The following TBC1D2B variants were observed in gnomAD, a reference collection of about 807,000 sequenced individuals.
The protein encoded by TBC1D2B is TBC1 domain family, member 2B.
Under a neutral mutation model 100.8 loss-of-function variants are expected in TBC1D2B, and 64 were observed. The ratio of observed to expected loss-of-function variants is 0.64; its 90% CI spans 0.52 to 0.78. TBC1D2B has a LOEUF of 0.78. Ranked by LOEUF, TBC1D2B falls within the 30% of genes least tolerant of loss-of-function variation. The pLI, the probability that TBC1D2B is intolerant of heterozygous loss-of-function variation, is 0.00. For missense variants in TBC1D2B, 1,052 were observed against 1,218.4 expected, an observed-to-expected ratio of 0.86 and a Z score of 2.03; for synonymous variants, 480 against 479.7, an observed-to-expected ratio of 1.00 and a Z score of -0.01.
At chr15:78,031,027 C>T (rs1291136106) in intron 3 of TBC1D2B, among the ~76,000 whole-genome samples, 1 of 152,072 alleles carries the variant, frequency 6.6e-6, no homozygotes. Context: ...TCAGCCAAAG[C>T]TATACGTATC....
intron 1 of TBC1D2B, among the ~76,000 whole-genome samples, chr15:78,073,882 T>C (rs945517104): frequency 5.3e-5 from 8 of 150,276 alleles, no homozygotes; most frequent in Admixed American, 1.3e-4. Flanking sequence ...GGCAGGAGAA[T>C]TGCTTGAACC....
At chr15:78,007,485 A>ATGGC (rs1462059598) in intron 10 of TBC1D2B, among the ~76,000 whole-genome samples, 1 of 152,176 alleles carries the variant, frequency 6.6e-6, no homozygotes, top group African/African-American at 2.4e-5. Flanking sequence ...GGAGTCCAGG[A>ATGGC]TGGCTTGAGT....
intron 3 of TBC1D2B, among the ~76,000 whole-genome samples, chr15:78,034,321 G>A (rs548372455): frequency 6.6e-6 from 1 of 152,250 alleles, no homozygotes; most frequent in African/African-American, 2.4e-5. Context: ...TGACATGACT[G>A]GTTCATCACT....
intron 1 of TBC1D2B, among the ~76,000 whole-genome samples, chr15:78,065,785 T>C (rs1462493266): frequency 6.6e-6 from 1 of 152,150 alleles, no homozygotes; most frequent in Non-Finnish European, 1.5e-5. Flanking sequence ...CATGAAGTTT[T>C]AGGAAACGGA....
intron 2 of TBC1D2B, among the ~76,000 whole-genome samples, chr15:78,049,602 G>A (rs942972752): frequency 1.3e-5 from 2 of 151,234 alleles, no homozygotes; most frequent in Non-Finnish European, 2.9e-5. Context: ...CTGCAATCTG[G>A]CTCAGCCACC....
At chr15:78,023,736 T>C (rs2072577344) in intron 6 of TBC1D2B, among the ~76,000 whole-genome samples, 1 of 152,204 alleles carries the variant, frequency 6.6e-6, no homozygotes, top group South Asian at 2.1e-4. Flanking sequence ...AACCCCATAC[T>C]AGCTGTTAGG....
At chr15:78,034,102 T>C (rs1451396520) in intron 3 of TBC1D2B, among the ~76,000 whole-genome samples, 3 of 152,218 alleles carry the variant, frequency 2.0e-5, no homozygotes, top group Non-Finnish European at 4.4e-5. Flanking sequence ...TTATTTCCTG[T>C]CTCTTCTAGA....
intron 1 of TBC1D2B, among the ~76,000 whole-genome samples, chr15:78,057,898 T>G (rs2073459459): frequency 6.6e-6 from 1 of 152,220 alleles, no homozygotes; most frequent in South Asian, 2.1e-4. Flanking sequence ...GTTTTTTATC[T>G]GGTATCTTTT....
At chr15:78,054,751 G>A (rs2073385834) in intron 1 of TBC1D2B, among the ~76,000 whole-genome samples, 1 of 152,180 alleles carries the variant, frequency 6.6e-6, no homozygotes, top group Non-Finnish European at 1.5e-5. Flanking sequence ...ATGCAACATG[G>A]TGCAGCTACT....
Position 77,995,048 on chromosome 15 carries a change from G to A in TBC1D2B, c.*3112C>T, listed in dbSNP as rs896451852. 2 of 152,354 alleles carry A rather than the reference G, an allele frequency of 1.3e-5. No homozygotes were observed. The highest frequency in any genetic ancestry group is 1.3e-4 in the Admixed American group (2 of 15,306). The allele number at this position is 152,354 out of a possible 1,614,324, so 9.4% of individuals were successfully genotyped here. A position where few individuals can be genotyped will look rare whatever the true frequency, so the allele number is the denominator to read the frequency against. ...TACAGTTCCAAAACGTAACTTGAAG[G>A]TCAGCACAGGAGCTGCTGTGATATA... On this transcript the variant is annotated 3_prime_UTR_variant, in exon 13 of 13. Transcript: ENST00000300584.
chr15:78,075,091 A>G (rs1410872882), intron 1 of TBC1D2B, among the ~76,000 whole-genome samples: 2 of 152,004 alleles, frequency 1.3e-5, no homozygotes, highest in Non-Finnish European at 1.5e-5. Context: ...TTTGTCCAAT[A>G]TGTGTGAGCA....
chr15:78,033,778 T>C (rs999855597), intron 3 of TBC1D2B, among the ~76,000 whole-genome samples: 5 of 152,242 alleles, frequency 3.3e-5, no homozygotes, highest in Admixed American at 2.0e-4. Flanking sequence ...GCTTTACCTC[T>C]AGTTTGAATC....
At chr15:78,035,648 A>T (rs1051894079) in intron 3 of TBC1D2B, among the ~76,000 whole-genome samples, 4 of 152,222 alleles carry the variant, frequency 2.6e-5, no homozygotes, top group African/African-American at 7.2e-5. Flanking sequence ...AGCCATCTCA[A>T]TAAAGCTGAC....
intron 1 of TBC1D2B, among the ~76,000 whole-genome samples, chr15:78,071,672 A>G (rs767468844): frequency 3.6e-4 from 55 of 152,356 alleles, no homozygotes; most frequent in Admixed American, 5.9e-4. Context: ...CAAGAATGGC[A>G]TGTAATACAC....
In TBC1D2B at chr15:78,003,473, G is replaced by C. The variant is rs768931674; in HGVS notation, c.2406C>G (p.Phe802Leu). Residue 802 changes from phenylalanine to leucine, a missense_variant, in exon 11 of 13, where the codon TTC (phenylalanine) becomes TTG (leucine). Phe to Leu is a conservative substitution (Grantham distance 22). Coordinates refer to ENST00000300584, the MANE Select transcript of TBC1D2B (RefSeq NM_144572.2). ...LLGSQVDQRVFRDLMSEKLPR... is the reference protein window; with the variant it reads ...LLGSQVDQRVLRDLMSEKLPR... Reference sequence around the variant, plus strand: ...GCAGCTTCTCACTCATAAGGTCTCTGAACACCCGCTGGTCCACCTGGAGAG... The same window carrying C: ...GCAGCTTCTCACTCATAAGGTCTCTCAACACCCGCTGGTCCACCTGGAGAG... 2.5e-5 allele frequency: 41 copies of C among 1,609,756 alleles called. No individual in the cohort carries two copies. Among genetic ancestry groups the C allele is most frequent in the Middle Eastern group, 1.6e-4 (1 of 6,066 alleles).
chr15:78,035,621 T>C (rs2072926478), intron 3 of TBC1D2B, among the ~76,000 whole-genome samples: 1 of 152,156 alleles, frequency 6.6e-6, no homozygotes. Flanking sequence ...GTGGGGGGGT[T>C]TCCTCTGACT....
chr15:78,053,896 G>A, intron 2 of TBC1D2B, 138 bp downstream of exon 2: 1 of 1,006,046 alleles, frequency 9.9e-7, no homozygotes, highest in Non-Finnish European at 1.4e-6. Flanking sequence ...CTGGGTAACT[G>A]TGGAATGCTG....
chr15:78,009,974 CAAAAAAAAA>C (rs59641885), intron 9 of TBC1D2B, among the ~76,000 whole-genome samples: 1 of 95,948 alleles, frequency 1.0e-5, no homozygotes, highest in African/African-American at 4.1e-5. Flanking sequence ...GACTCCGTCT[CAAAAAAAAA>C]AAAAAAAAAA....
chr15:78,064,259 A>G (rs1035017906), intron 1 of TBC1D2B, among the ~76,000 whole-genome samples: 2 of 152,120 alleles, frequency 1.3e-5, no homozygotes, highest in African/African-American at 4.8e-5. Context: ...AACACGCTCT[A>G]TGTGACGCAC....
Sources: gnomAD v4.1 joint callset for allele counts (sites outside exome capture counted in the v4.1 genomes callset) on GRCh38, gnomAD v4.1.1 for gene constraint, MANE v1.5 for transcripts, NCBI Gene and HGNC (gene_info 2026-07-23, HGNC 2026-07-21) for gene names.